Variants in TMEM273 observed in about 807,000 individuals in gnomAD.
TMEM273 encodes the protein transmembrane protein 273.
A neutral mutation model predicts 17.9 loss-of-function variants in TMEM273; 19 were observed. That is an observed-to-expected ratio of 1.06 (90% confidence interval 0.74 to 1.55). The LOEUF (loss-of-function observed/expected upper bound fraction) is 1.55, where lower values mean the gene tolerates loss of function less well. Among genes scored for constraint, TMEM273 ranks in the 40% most tolerant of loss-of-function variants. TMEM273 has a pLI of 0.00. For missense variants in TMEM273, 194 were observed against 155.6 expected (o/e 1.25, Z -1.31); for synonymous variants, 66 against 62.0 (o/e 1.07, Z -0.31).
intron 1 of TMEM273, among the ~76,000 whole-genome samples, chr10:49,175,294 T>C (rs1590228866): frequency 6.6e-6 from 1 of 152,032 alleles, no homozygotes; most frequent in Admixed American, 6.5e-5. Flanking sequence ...GCCACCCTGC[T>C]CCCAGAGGTG....
chr10:49,160,936 C>T (rs1054624486), intron 6 of TMEM273: 1 of 152,076 alleles, frequency 6.6e-6, no homozygotes. Flanking sequence ...GCCTGTGTGA[C>T]CATCCTGGGC....
chr10:49,179,876 A>G (rs1042646483), intron 1 of TMEM273, among the ~76,000 whole-genome samples: 1 of 151,890 alleles, frequency 6.6e-6, no homozygotes, highest in Admixed American at 6.5e-5. Flanking sequence ...TAACCACTCC[A>G]CAACGGTCAA....
intron 6 of TMEM273, chr10:49,160,609 T>G (rs1462434385): frequency 1.3e-5 from 2 of 152,200 alleles, no homozygotes; most frequent in Admixed American, 1.3e-4. Flanking sequence ...CAGAGAAATT[T>G]AAATATGGAC....
intron 1 of TMEM273, among the ~76,000 whole-genome samples, chr10:49,180,616 A>G (rs940892170): frequency 6.6e-6 from 1 of 152,168 alleles, no homozygotes; most frequent in African/African-American, 2.4e-5. Flanking sequence ...GTGGAAAATT[A>G]TTTGTCATAG....
At chr10:49,171,597 A>G (rs1343201982) in intron 1 of TMEM273, among the ~76,000 whole-genome samples, 1 of 152,206 alleles carries the variant, frequency 6.6e-6, no homozygotes, top group Non-Finnish European at 1.5e-5. Context: ...GCCCCCTCAC[A>G]GCTGCCATTC....
intron 1 of TMEM273, chr10:49,178,188 C>T (rs1269454153): frequency 2.2e-6 from 1 of 457,244 alleles, no homozygotes; most frequent in Admixed American, 2.3e-5. Flanking sequence ...CCCATGTCAC[C>T]TCTCATTCTC....
In TMEM273 at chr10:49,185,999, G is replaced by A. The variant is rs537682217; in HGVS notation, c.43+2295C>T. On this transcript the variant is annotated intron_variant, in intron 1 of 6. Transcript: ENST00000374153. ...ATCTCAAGAAGAAGAAGGAGGAGGA[G>A]GAAGAGGAGGAGGAGGAGGAAGAAG... Among the ~76,000 whole-genome samples, 119 of 119,844 alleles carry A rather than the reference G, an allele frequency of 9.9e-4. 3 individuals are homozygous for A. The highest frequency in any genetic ancestry group is 3.3e-3 in the African/African-American group (112 of 34,358). The allele number at this position is 119,844 out of a possible 152,430, so 78.6% of individuals were successfully genotyped here.
intron 1 of TMEM273, among the ~76,000 whole-genome samples, chr10:49,174,113 C>G (rs1441038338): frequency 6.6e-6 from 1 of 152,200 alleles, no homozygotes; most frequent in Non-Finnish European, 1.5e-5. Context: ...AAAGACTCAC[C>G]AGAGACAACC....
Position 49,155,619 on chromosome 10 carries a change from T to G in TMEM273, c.*273A>C, listed in dbSNP as rs1173150434. 3.6e-6 allele frequency: 2 copies of G among 555,306 alleles called. No individual in the cohort carries two copies. The highest frequency in any genetic ancestry group is 6.1e-5 in the East Asian group (2 of 32,798). The allele number at this position is 555,306 out of a possible 1,614,324, so 34.4% of individuals were successfully genotyped here. A position where few individuals can be genotyped will look rare whatever the true frequency, so the allele number is the denominator to read the frequency against. The stretch of plus-strand genomic sequence containing the variant: ...AAGCATGAACAGCTCCAACACAGGG[T>G]GAAGCTTTTGGTGTCCACCTTCTTC... On this transcript the variant is annotated 3_prime_UTR_variant, in exon 7 of 7. Transcript: ENST00000374153.
chr10:49,170,305 C>T (rs1300803020), intron 1 of TMEM273, among the ~76,000 whole-genome samples: 1 of 152,150 alleles, frequency 6.6e-6, no homozygotes, highest in Non-Finnish European at 1.5e-5. Context: ...AACAGCATCA[C>T]GGTCTCCATT....
chr10:49,166,722 C>CAG, intron 3 of TMEM273, 147 bp downstream of exon 3: 1 of 1,186,108 alleles, frequency 8.4e-7, no homozygotes, highest in Non-Finnish European at 1.2e-6. Context: ...GTGAGAGAGA[C>CAG]AGAAACATGC....
chr10:49,158,642 A>G (rs962489048), intron 6 of TMEM273, among the ~76,000 whole-genome samples: 1 of 152,244 alleles, frequency 6.6e-6, no homozygotes, highest in Non-Finnish European at 1.5e-5. Context: ...CTCTCAGCAC[A>G]TGAATAACCG....
chr10:49,167,977 A>G lies in TMEM273; in HGVS notation c.44-15T>C. 6.2e-7 allele frequency: 1 copy of G among 1,613,710 alleles called. No individual in the cohort carries two copies. Among genetic ancestry groups the G allele is most frequent in the Non-Finnish European group, 8.5e-7 (1 of 1,179,940 alleles). On this transcript the variant is annotated splice_polypyrimidine_tract_variant and intron_variant, in intron 1 of 6. Coordinates refer to ENST00000374153, the MANE Select transcript of TMEM273 (RefSeq NM_001288740.3). ...TCCTCCTACATCTGCAAAGAAAGAA[A>G]CCCCAGAGCCTGGTTAGAACAGAGC...
intron 1 of TMEM273, among the ~76,000 whole-genome samples, chr10:49,180,536 C>T (rs1158950446): frequency 6.6e-6 from 1 of 152,032 alleles, no homozygotes; most frequent in Admixed American, 6.5e-5. Flanking sequence ...TCTGAGGAGG[C>T]CTGTTAAAAT....
chr10:49,165,768 T>A lies in TMEM273; in HGVS notation c.267A>T (p.Pro89=). 1 of 1,614,114 alleles carries A rather than the reference T, an allele frequency of 6.2e-7. No homozygotes were observed. The highest frequency in any genetic ancestry group is 1.7e-5 in the Admixed American group (1 of 60,018). The change falls in exon 4 of 7, where the codon CCA becomes CCT. Residue 89 remains proline, a splice_region_variant and synonymous_variant. Coordinates refer to ENST00000374153, the MANE Select transcript of TMEM273 (RefSeq NM_001288740.3). Reference sequence around the variant, plus strand: ...GACTGTGTGGGCAGTGACCTTACCTTGGGGCTCTCTTCTTTAGCGGGATGG... The same window carrying A: ...GACTGTGTGGGCAGTGACCTTACCTAGGGGCTCTCTTCTTTAGCGGGATGG... The part of the protein sequence containing the change: ...SDTIPLKKRA[P]RKLQASTLFS...
At chr10:49,162,124 A>G (rs748314077) in intron 5 of TMEM273, among the ~76,000 whole-genome samples, 7 of 152,158 alleles carry the variant, frequency 4.6e-5, no homozygotes, top group Non-Finnish European at 1.0e-4. Context: ...CTTCCAAAAA[A>G]CACATATAAC....
rs61599274 is a variant in TMEM273, at chr10:49,187,626, G to GTC, written c.43+666_43+667dup. Among the ~76,000 whole-genome samples, 325 of 151,340 alleles carry GTC rather than the reference G, an allele frequency of 2.1e-3. 1 individual carries two copies. The highest frequency in any genetic ancestry group is 7.7e-3 in the East Asian group (40 of 5,174). Reference sequence around the variant, plus strand: ...TAACCATCTCTCTATGTCTCTGTCTGTCTCTCTCTCTCTCTCTTTGAGTTT... The same window carrying GTC: ...TAACCATCTCTCTATGTCTCTGTCTGTCTCTCTCTCTCTCTCTCTTTGAGTTT... On this transcript the variant is annotated intron_variant, in intron 1 of 6. Coordinates refer to ENST00000374153, the MANE Select transcript of TMEM273 (RefSeq NM_001288740.3).
Position 49,177,533 on chromosome 10 carries a change from A to T in TMEM273, c.44-9571T>A, listed in dbSNP as rs556666179. Among the ~76,000 whole-genome samples, 12 of 152,312 alleles carry T rather than the reference A, an allele frequency of 7.9e-5. No individual in the cohort carries two copies. The South Asian group carries it at 2.5e-3, about 32-fold the overall frequency. ...GTCAGGACAAGGGCCTCTCTTGGGG[A>T]CAGTGGCCTCTTTTCATGGGAAAGC... is the stretch of plus-strand genomic sequence containing the variant. On this transcript the variant is annotated intron_variant, in intron 1 of 6. Coordinates refer to ENST00000374153, the MANE Select transcript of TMEM273 (RefSeq NM_001288740.3).
chr10:49,169,947 G>A (rs764628374), intron 1 of TMEM273, among the ~76,000 whole-genome samples: 7 of 152,232 alleles, frequency 4.6e-5, no homozygotes, highest in Non-Finnish European at 1.0e-4. Context: ...GGGGAGGGCA[G>A]GGCCTCAGTG....
Sources: allele counts gnomAD v4.1 joint callset (sites outside exome capture counted in the v4.1 genomes callset), GRCh38; gene constraint gnomAD v4.1.1; transcripts MANE v1.5; gene names NCBI Gene and HGNC (gene_info 2026-07-23, HGNC 2026-07-21).